Variants in MYMX observed in about 807,000 individuals in gnomAD.
MYMX encodes myomixer, myoblast fusion factor, also known as protein myomixer.
chr6:44,205,239 A>G, the MYMX span, among the ~76,000 whole-genome samples: 2 of 152,172 alleles, frequency 1.3e-5, no homozygotes, highest in African/African-American at 4.8e-5. Context: ...GTTCTTTGAA[A>G]AAAAAAAAAT....
upstream of MYMX, among the ~76,000 whole-genome samples, chr6:44,213,344 C>CA (rs1775697768): frequency 6.6e-6 from 1 of 150,622 alleles, no homozygotes; most frequent in African/African-American, 2.5e-5. Context: ...TGAGATCACG[C>CA]CATTGCACTC....
chr6:44,212,168 G>T (rs561328741), upstream of MYMX, among the ~76,000 whole-genome samples: 1 of 151,182 alleles, frequency 6.6e-6, no homozygotes, highest in Non-Finnish European at 1.5e-5. Flanking sequence ...GGGTCACTTG[G>T]GCTGAGGCGG....
chr6:44,205,774 A>C, the MYMX span, among the ~76,000 whole-genome samples: 2 of 151,866 alleles, frequency 1.3e-5, no homozygotes, highest in South Asian at 4.2e-4. Context: ...GCTCCACTTC[A>C]CTCCAGCCAG....
At chr6:44,216,669 A>AAT (rs1393166969), upstream of MYMX, among the ~76,000 whole-genome samples, 1 of 149,144 alleles carries the variant, frequency 6.7e-6, no homozygotes, top group Admixed American at 6.6e-5. Context: ...AAAAAAAAAA[A>AAT]AAAGAAGAAG....
At chr6:44,193,049 A>C in the MYMX span, among the ~76,000 whole-genome samples, 6,236 of 152,226 alleles carry the variant, frequency 0.041, 193 homozygotes, top group East Asian at 0.13. Context: ...TCTGATGCAC[A>C]AACTTTTTTA....
the MYMX span, among the ~76,000 whole-genome samples, chr6:44,202,654 C>T: frequency 2.0e-5 from 3 of 151,992 alleles, no homozygotes; most frequent in South Asian, 4.1e-4. Flanking sequence ...TTAGTGTTCC[C>T]GCCTTGGAGA....
At chr6:44,217,208 T>TCCA (rs1354939801) in intron 1 of MYMX, among the ~76,000 whole-genome samples, 3 of 152,098 alleles carry the variant, frequency 2.0e-5, no homozygotes, top group African/African-American at 7.2e-5. Flanking sequence ...AACGGCAAGC[T>TCCA]GTAGGTCTTG....
chr6:44,210,289 T>C, the MYMX span, among the ~76,000 whole-genome samples: 7 of 151,354 alleles, frequency 4.6e-5, no homozygotes, highest in Non-Finnish European at 8.8e-5. Flanking sequence ...TTTTGTTTTG[T>C]TTTGTTTTCG....
the MYMX span, among the ~76,000 whole-genome samples, chr6:44,197,746 G>GATTAT: frequency 2.0e-5 from 3 of 151,962 alleles, no homozygotes; most frequent in Admixed American, 1.3e-4. Context: ...TTTTCTTATT[G>GATTAT]ATTATATTAT....
chr6:44,193,616 C>T, the MYMX span, among the ~76,000 whole-genome samples: 2 of 152,180 alleles, frequency 1.3e-5, no homozygotes, highest in Non-Finnish European at 2.9e-5. Context: ...ATTATTTGGT[C>T]TCAGAGCTGC....
chr6:44,201,720 T>G, the MYMX span, among the ~76,000 whole-genome samples: 2 of 152,222 alleles, frequency 1.3e-5, no homozygotes, highest in South Asian at 4.1e-4. Context: ...CTAATATTTA[T>G]GAGACACCTA....
chr6:44,200,306 T>A, the MYMX span, among the ~76,000 whole-genome samples: 794 of 152,248 alleles, frequency 5.2e-3, 6 homozygotes, highest in African/African-American at 0.018. Context: ...TGCCTAGTTT[T>A]TTTTATTTTA....
chr6:44,196,083 C>T, the MYMX span, among the ~76,000 whole-genome samples: 31 of 152,132 alleles, frequency 2.0e-4, no homozygotes, highest in African/African-American at 6.5e-4. Context: ...GCTGGAATTA[C>T]GGGCACCTGC....
At chr6:44,211,787 T>TG in the MYMX span, among the ~76,000 whole-genome samples, 6 of 134,164 alleles carry the variant, frequency 4.5e-5, no homozygotes, top group South Asian at 2.5e-4. Flanking sequence ...CCAGCTAGGT[T>TG]TTGTGTGTGT....
At chr6:44,217,323 C>G (rs1180801903) in intron 1 of MYMX, 127 bp from the exon 2 acceptor site, 4 of 397,370 alleles carry the variant, frequency 1.0e-5, no homozygotes, top group East Asian at 7.1e-5. Context: ...CAAAAATGAC[C>G]TACAAATTGA....
At chr6:44,215,024 A>G (rs562352765), upstream of MYMX, among the ~76,000 whole-genome samples, 7 of 152,314 alleles carry the variant, frequency 4.6e-5, no homozygotes, top group South Asian at 1.5e-3. Context: ...CTGTGAGTCT[A>G]TACTCTCTAG....
At chr6:44,210,033 GC>G in the MYMX span, 1 of 140,734 alleles carries the variant, frequency 7.1e-6, no homozygotes, top group Non-Finnish European at 1.5e-5. Context: ...TGGAACCTCC[GC>G]CTCCTGGTTC....
chr6:44,192,777 T>C, the MYMX span, among the ~76,000 whole-genome samples: 1 of 152,230 alleles, frequency 6.6e-6, no homozygotes, highest in African/African-American at 2.4e-5. Flanking sequence ...CCAAGTGTCC[T>C]GGACTCCTAA....
the MYMX span, chr6:44,209,732 T>C: frequency 6.6e-6 from 1 of 151,710 alleles, no homozygotes; most frequent in Non-Finnish European, 1.5e-5. Context: ...GCCAACATGG[T>C]GCAACCCTGT....
Sources: allele counts gnomAD v4.1 joint callset (sites outside exome capture counted in the v4.1 genomes callset), GRCh38; gene constraint gnomAD v4.1.1; transcripts MANE v1.5; gene names NCBI Gene and HGNC (gene_info 2026-07-23, HGNC 2026-07-21).